PRKG1: variants seen among roughly 807,000 people sequenced by gnomAD.
The protein encoded by PRKG1 is protein kinase cGMP-dependent 1, also known as cGMP-dependent protein kinase 1.
PRKG1 carries 35 observed loss-of-function variants against 88.1 expected under a neutral mutation model. The observed-to-expected ratio is 0.40, with a 90% confidence interval of 0.30 to 0.53. The LOEUF (loss-of-function observed/expected upper bound fraction) is 0.53. Among genes scored for constraint, PRKG1 ranks in the 20% least tolerant of loss-of-function variants. The pLI, the probability that PRKG1 is intolerant of heterozygous loss-of-function variation, is 0.59. For missense variants in PRKG1, 540 were observed against 839.8 expected (o/e 0.64, Z 4.41); for synonymous variants, 303 against 292.5 (o/e 1.04, Z -0.37).
At chr10:51,277,443 G>A (rs1233773561) in intron 2 of PRKG1, among the ~76,000 whole-genome samples, 2 of 151,954 alleles carry the variant, frequency 1.3e-5, no homozygotes, top group East Asian at 1.9e-4. Context: ...TTGGCAATGT[G>A]GGCTCTTTTT....
At chr10:51,987,334 C>T (rs1844187079) in intron 5 of PRKG1, among the ~76,000 whole-genome samples, 1 of 151,300 alleles carries the variant, frequency 6.6e-6, no homozygotes, top group African/African-American at 2.4e-5. Context: ...TGGTTCAAGA[C>T]AGAGAAAAAA....
intron 2 of PRKG1, among the ~76,000 whole-genome samples, chr10:51,163,556 GCACC>G (rs1846426608): frequency 1.3e-5 from 2 of 152,154 alleles, no homozygotes; most frequent in Non-Finnish European, 2.9e-5. Context: ...TGGGTGCCGC[GCACC>G]CGCACCATGT....
intron 5 of PRKG1, among the ~76,000 whole-genome samples, chr10:51,943,485 A>T (rs558559595): frequency 6.6e-6 from 1 of 152,128 alleles, no homozygotes; most frequent in African/African-American, 2.4e-5. Context: ...AACTTCCAAC[A>T]CTATGTTGAA....
At chr10:51,737,353 G>C (rs758388931) in intron 3 of PRKG1, among the ~76,000 whole-genome samples, 20 of 152,236 alleles carry the variant, frequency 1.3e-4, no homozygotes, top group East Asian at 1.9e-4. Flanking sequence ...GCTTCTTCTT[G>C]TTCTTTCAAC....
intron 3 of PRKG1, among the ~76,000 whole-genome samples, chr10:51,710,534 G>A (rs1841717871): frequency 6.6e-6 from 1 of 152,158 alleles, no homozygotes; most frequent in Non-Finnish European, 1.5e-5. Flanking sequence ...AGGCAAGCCT[G>A]CTCTATGGAT....
At chr10:51,773,741 A>T (rs762132183) in intron 3 of PRKG1, among the ~76,000 whole-genome samples, 1 of 152,058 alleles carries the variant, frequency 6.6e-6, no homozygotes, top group African/African-American at 2.4e-5. Flanking sequence ...ACCATTATTC[A>T]TCTCATTTAA....
At chr10:51,272,972 T>G (rs1840020620) in intron 2 of PRKG1, among the ~76,000 whole-genome samples, 1 of 152,210 alleles carries the variant, frequency 6.6e-6, no homozygotes, top group Non-Finnish European at 1.5e-5. Context: ...CATATCAAAA[T>G]TAGCCTGTAG....
chr10:52,281,616 A>G (rs1842005102), intron 13 of PRKG1, among the ~76,000 whole-genome samples: 1 of 152,144 alleles, frequency 6.6e-6, no homozygotes, highest in Non-Finnish European at 1.5e-5. Flanking sequence ...GTTCCAGAAA[A>G]ATGAAGAATA....
intron 2 of PRKG1, among the ~76,000 whole-genome samples, chr10:51,227,648 C>T (rs1462746042): frequency 2.6e-5 from 4 of 152,088 alleles, no homozygotes; most frequent in Admixed American, 6.6e-5. Flanking sequence ...TGTTGAATTG[C>T]TCCCGGACCA....
intron 2 of PRKG1, among the ~76,000 whole-genome samples, chr10:51,380,725 TGTA>T (rs1193044031): frequency 2.6e-5 from 4 of 152,058 alleles, no homozygotes; most frequent in African/African-American, 9.7e-5. Flanking sequence ...GTGAACAGAA[TGTA>T]GAGGAGGGGT....
intron 4 of PRKG1, among the ~76,000 whole-genome samples, chr10:51,837,849 A>G (rs1048499432): frequency 1.3e-5 from 2 of 152,158 alleles, no homozygotes; most frequent in African/African-American, 4.8e-5. Context: ...GGTTTATTTG[A>G]TTTGCCTAGT....
At chr10:51,451,493 C>T (rs1399804163) in intron 2 of PRKG1, among the ~76,000 whole-genome samples, 1 of 151,906 alleles carries the variant, frequency 6.6e-6, no homozygotes, top group African/African-American at 2.4e-5. Context: ...GAGATGAAGA[C>T]TCAAACTCAG....
chr10:51,115,769 G>A (rs111596083), intron 1 of PRKG1, among the ~76,000 whole-genome samples: 10 of 150,630 alleles, frequency 6.6e-5, no homozygotes. Flanking sequence ...CCTGGAGGTG[G>A]AGTCTGTGGT....
At chr10:52,219,928 T>A (rs1256526668) in intron 9 of PRKG1, among the ~76,000 whole-genome samples, 1 of 152,206 alleles carries the variant, frequency 6.6e-6, no homozygotes, top group Non-Finnish European at 1.5e-5. Context: ...GAAAGAAAGA[T>A]TAAAAGTTGG....
chr10:51,748,853 T>A (rs1837645806), intron 3 of PRKG1, among the ~76,000 whole-genome samples: 1 of 152,266 alleles, frequency 6.6e-6, no homozygotes, highest in Admixed American at 6.5e-5. Context: ...AATCATATGC[T>A]ACTATAATTT....
At chr10:52,262,031 C>T (rs1589742348) in intron 10 of PRKG1, among the ~76,000 whole-genome samples, 1 of 152,050 alleles carries the variant, frequency 6.6e-6, no homozygotes, top group South Asian at 2.1e-4. Context: ...GAAAGTAAAA[C>T]TTCCTTAAAT....
chr10:52,064,363 G>A (rs1405957802), intron 7 of PRKG1, among the ~76,000 whole-genome samples: 1 of 152,198 alleles, frequency 6.6e-6, no homozygotes, highest in African/African-American at 2.4e-5. Flanking sequence ...CAGAATAGGA[G>A]CCAAAAACAG....
chr10:51,739,740 A>G (rs1047884077), intron 3 of PRKG1, among the ~76,000 whole-genome samples: 4 of 152,150 alleles, frequency 2.6e-5, no homozygotes, highest in African/African-American at 9.7e-5. Context: ...TGGGAGTCCA[A>G]GGTGGGTAAA....
chr10:51,022,880 C>A (rs1206025570), intron 1 of PRKG1, among the ~76,000 whole-genome samples: 2 of 151,970 alleles, frequency 1.3e-5, no homozygotes, highest in Non-Finnish European at 2.9e-5. Context: ...TCCTATAATC[C>A]CAGCTACCTG....
Sources: gnomAD v4.1 joint callset for allele counts (sites outside exome capture counted in the v4.1 genomes callset) on GRCh38, gnomAD v4.1.1 for gene constraint, MANE v1.5 for transcripts, NCBI Gene and HGNC (gene_info 2026-07-23, HGNC 2026-07-21) for gene names.